ENKUR: variants seen among roughly 807,000 people sequenced by gnomAD.
ENKUR encodes enkurin, TRPC channel interacting protein, also known as enkurin.
In ENKUR, 19 loss-of-function variants were observed where a neutral mutation model predicts 27.6. That is an observed-to-expected ratio of 0.69 (90% CI 0.48 to 1.01). The LOEUF (loss-of-function observed/expected upper bound fraction) is 1.01. Among genes scored for constraint, ENKUR ranks in the 50% least tolerant of loss-of-function variants. ENKUR has a pLI of 0.00. For synonymous variants in ENKUR, 117 were observed against 96.9 expected (o/e 1.21, Z -1.22); for missense variants, 312 against 310.5 (o/e 1.00, Z -0.04).
chr10:25,026,052 T>A (rs1189220048), intron 2 of ENKUR: 5 of 153,526 alleles, frequency 3.3e-5, no homozygotes, highest in Admixed American at 6.5e-5. Context: ...CTAATTTTTT[T>A]ATTTTTAATA....
At chr10:25,057,416 C>A (rs1416663147) in intron 2 of ENKUR, among the ~76,000 whole-genome samples, 3 of 150,250 alleles carry the variant, frequency 2.0e-5, no homozygotes, top group Non-Finnish European at 4.4e-5. Flanking sequence ...CACACACACA[C>A]ACACACACAC....
chr10:25,051,368 AG>A (rs1851184770), intron 2 of ENKUR, among the ~76,000 whole-genome samples: 1 of 152,232 alleles, frequency 6.6e-6, no homozygotes, highest in Non-Finnish European at 1.5e-5. Flanking sequence ...ATTGTTATAA[AG>A]AAATACCTGA....
At chr10:24,985,808 C>G (rs550918365) in intron 4 of ENKUR, among the ~76,000 whole-genome samples, 27 of 152,266 alleles carry the variant, frequency 1.8e-4, no homozygotes, top group African/African-American at 6.5e-4. Context: ...AAAAGCAAAA[C>G]AGAAAGTGCA....
At chr10:25,016,521 G>A (rs915246959), upstream of ENKUR, 2 of 152,784 alleles carry the variant, frequency 1.3e-5, no homozygotes, top group African/African-American at 4.8e-5. Flanking sequence ...AGACGAGGGA[G>A]GGGAGGAGCC....
intron 2 of ENKUR, 38 bp downstream of exon 2, chr10:24,999,363 T>C (rs752071156): frequency 1.3e-6 from 2 of 1,562,004 alleles, no homozygotes; most frequent in South Asian, 2.4e-5. Context: ...CACCTGCTAA[T>C]GCTTTTAATA....
chr10:25,031,767 T>G (rs185464261), intron 2 of ENKUR, among the ~76,000 whole-genome samples: 214 of 151,928 alleles, frequency 1.4e-3, no homozygotes, highest in Non-Finnish European at 2.0e-3. Flanking sequence ...ATTTTTAAAT[T>G]GCTTTCTGTT....
chr10:24,995,721 A>C lies in ENKUR; in HGVS notation c.372T>G (p.Ile124Met), dbSNP rs144669094. ...IMGVAKKPKP[I>M]YVDKRTGDKH... ...TGTCTCCAGTTCTTTTATCAACATA[A>C]ATTGGTTTAGGCTTTTTAGCCACTC... The change falls in exon 3 of 6, where the codon ATT becomes ATG. Residue 124 changes from isoleucine to methionine, a missense_variant. By Grantham distance (10) the Ile-to-Met change is conservative. Transcript: ENST00000331161. The C allele has an allele frequency of 2.3e-4, 369 of 1,614,032 alleles. 1 individual carries two copies. In the African/African-American group the frequency reaches 4.5e-3, roughly 20 times the overall value.
chr10:25,024,438 AT>A, intron 2 of ENKUR: 1 of 1,614,070 alleles, frequency 6.2e-7, no homozygotes, highest in African/African-American at 1.3e-5. Context: ...CTGTGGTTGC[AT>A]TTTTTCCTGA....
chr10:25,061,874 G>A (rs753950261), intron 1 of ENKUR, among the ~76,000 whole-genome samples: 6 of 152,270 alleles, frequency 3.9e-5, no homozygotes, highest in East Asian at 1.9e-4. Flanking sequence ...AAACCCCAGC[G>A]ATTCACTGCT....
chr10:25,008,263 G>A (rs1338998281), intron 1 of ENKUR, among the ~76,000 whole-genome samples: 1 of 152,042 alleles, frequency 6.6e-6, no homozygotes, highest in Non-Finnish European at 1.5e-5. Context: ...AGAGACTTTG[G>A]AATAGTCTAG....
At chr10:25,013,870 A>G (rs576963570) in intron 1 of ENKUR, among the ~76,000 whole-genome samples, 9 of 152,106 alleles carry the variant, frequency 5.9e-5, no homozygotes, top group Admixed American at 2.0e-4. Flanking sequence ...TGAACCCAGG[A>G]GGCAGAAGCT....
chr10:25,053,313 T>G (rs1338720538), intron 2 of ENKUR, among the ~76,000 whole-genome samples: 1 of 152,150 alleles, frequency 6.6e-6, no homozygotes, highest in Non-Finnish European at 1.5e-5. Flanking sequence ...CATTTGAAAT[T>G]TACTCTCTTA....
intron 2 of ENKUR, among the ~76,000 whole-genome samples, chr10:25,040,287 G>A (rs1366430542): frequency 1.3e-5 from 2 of 151,910 alleles, no homozygotes; most frequent in Non-Finnish European, 2.9e-5. Flanking sequence ...GAGTGGTGAA[G>A]TCACATGACA....
At position 24,991,616 on chromosome 10, in the gene ENKUR, G is replaced by T. The variant is rs187760292; in HGVS notation, c.448-1007C>A. ...GAGAGCCCGGGCCACAGAGCTGCCC[G>T]GCTCCAGGGAAAAACCATCTCCCTT... is the stretch of plus-strand genomic sequence containing the variant. On this transcript the variant is annotated intron_variant, in intron 3 of 5. Coordinates refer to ENST00000331161, the MANE Select transcript of ENKUR (RefSeq NM_145010.4). 2.2e-3 allele frequency among the ~76,000 whole-genome samples: 340 copies of T among 152,240 alleles called. 1 individual carries two copies. The highest frequency in any genetic ancestry group is 8.0e-3 in the African/African-American group (334 of 41,546).
chr10:25,055,404 T>C (rs1348707332), intron 2 of ENKUR, among the ~76,000 whole-genome samples: 1 of 152,114 alleles, frequency 6.6e-6, no homozygotes, highest in African/African-American at 2.4e-5. Flanking sequence ...AAGGCCTGCA[T>C]TCTGGGCATA....
In ENKUR at chr10:24,997,563, A is replaced by T. The variant is rs895053473; in HGVS notation, c.224-1694T>A. ...CAGCACACCTAGCTAATTAAAAAAAATTTTTTATAGAGATAGGGTCTCACT... is the reference window on the plus strand; with the variant it reads ...CAGCACACCTAGCTAATTAAAAAAATTTTTTTATAGAGATAGGGTCTCACT... On this transcript the variant is annotated intron_variant, in intron 2 of 5. Coordinates refer to ENST00000331161, the MANE Select transcript of ENKUR (RefSeq NM_145010.4). 5.4e-4 allele frequency among the ~76,000 whole-genome samples: 82 copies of T among 151,680 alleles called. 1 individual carries two copies. The highest frequency in any genetic ancestry group is 1.6e-3 in the African/African-American group (65 of 41,356).
intron 1 of ENKUR, among the ~76,000 whole-genome samples, chr10:25,007,236 TAACCGA>T (rs1399916104): frequency 6.6e-6 from 1 of 152,170 alleles, no homozygotes; most frequent in Non-Finnish European, 1.5e-5. Context: ...CCTTGTTCTG[TAACCGA>T]ATAATCTAAA....
At chr10:24,990,731 T>G in intron 3 of ENKUR, 122 bp from the exon 4 acceptor site, 1 of 986,454 alleles carries the variant, frequency 1.0e-6, no homozygotes, top group East Asian at 2.7e-5. Context: ...TTCAAAACCC[T>G]GTAAATTGAC....
At chr10:24,989,655 T>C (rs547419912) in intron 4 of ENKUR, among the ~76,000 whole-genome samples, 1 of 152,354 alleles carries the variant, frequency 6.6e-6, no homozygotes, top group South Asian at 2.1e-4. Context: ...TGTTTATTGA[T>C]GATTATGATG....
Sources: gnomAD v4.1 joint callset for allele counts (sites outside exome capture counted in the v4.1 genomes callset) on GRCh38, gnomAD v4.1.1 for gene constraint, MANE v1.5 for transcripts, NCBI Gene and HGNC (gene_info 2026-07-23, HGNC 2026-07-21) for gene names.